SHE: variants seen among roughly 807,000 people sequenced by gnomAD.
SHE encodes Src homology 2 domain containing E, also known as SH2 domain-containing adapter protein E.
A neutral mutation model predicts 49.8 loss-of-function variants in SHE; 11 were observed. That is an observed-to-expected ratio of 0.22 (90% CI 0.14 to 0.37). The LOEUF is 0.37. Ranked by LOEUF, SHE falls within the 10% of genes least tolerant of loss-of-function variation. SHE has a pLI of 1.00. For missense variants in SHE, 624 were observed against 655.5 expected, an observed-to-expected ratio of 0.95 and a Z score of 0.52; for synonymous variants, 310 against 278.1, an observed-to-expected ratio of 1.11 and a Z score of -1.14.
intron 2 of SHE, among the ~76,000 whole-genome samples, chr1:154,489,925 A>G (rs2149294205): frequency 6.6e-6 from 1 of 152,370 alleles, no homozygotes; most frequent in South Asian, 2.1e-4. Flanking sequence ...AAAGTTTTGA[A>G]CATCTCATGT....
Position 154,483,765 on chromosome 1 carries a change from G to A in SHE, c.*384C>T. On this transcript the variant is annotated 3_prime_UTR_variant, in exon 6 of 6. Coordinates refer to ENST00000304760, the MANE Select transcript of SHE (RefSeq NM_001010846.3). The stretch of plus-strand genomic sequence containing the variant: ...CAGGCACTCGGGGAGACTGAGGTGG[G>A]TGGATCATTTGAGGTCAGGAGTTTG... 1.0e-6 allele frequency: 1 copy of A among 1,000,262 alleles called. No individual in the cohort carries two copies. Among genetic ancestry groups the A allele is most frequent in the Non-Finnish European group, 1.2e-6 (1 of 834,318 alleles). 62.0% of individuals were successfully genotyped at this position (1,000,262 alleles called of 1,614,324 possible). A position where few individuals can be genotyped will look rare whatever the true frequency, so the allele number is the denominator to read the frequency against.
chr1:154,500,941 G>A (rs1044643457), intron 1 of SHE, among the ~76,000 whole-genome samples: 8 of 152,128 alleles, frequency 5.3e-5, no homozygotes, highest in African/African-American at 1.2e-4. Flanking sequence ...CCCTTTACTC[G>A]GTGGAACCGC....
chr1:154,491,080 CAG>C (rs1022081744), intron 2 of SHE, among the ~76,000 whole-genome samples: 1 of 152,072 alleles, frequency 6.6e-6, no homozygotes, highest in Admixed American at 6.5e-5. Flanking sequence ...GCTGGTGATA[CAG>C]AGTCTATATT....
intron 1 of SHE, among the ~76,000 whole-genome samples, chr1:154,472,874 G>C (rs1218979683): frequency 2.6e-5 from 4 of 152,076 alleles, no homozygotes; most frequent in Non-Finnish European, 5.9e-5. Flanking sequence ...AATAATAATG[G>C]CTACTGGCTG....
intron 1 of SHE, among the ~76,000 whole-genome samples, chr1:154,470,702 T>C (rs1405994267): frequency 1.3e-5 from 2 of 152,110 alleles, no homozygotes; most frequent in African/African-American, 4.8e-5. Flanking sequence ...TAGCTGCATG[T>C]GGTGGCGGGC....
Position 154,481,443 on chromosome 1 carries a change from T to C in SHE, c.*2706A>G, listed in dbSNP as rs904237732. ...TATGACTTGTCACAGAGAAACAGTA[T>C]AGAAGAAGCATAATACTGGGCATAT... On this transcript the variant is annotated 3_prime_UTR_variant, in exon 6 of 6. Coordinates refer to ENST00000304760, the MANE Select transcript of SHE (RefSeq NM_001010846.3). The C allele has an allele frequency of 1.9e-5, 19 of 985,434 alleles. No individual in the cohort carries two copies. The highest frequency in any genetic ancestry group is 6.1e-5 in the Admixed American group (1 of 16,282). The allele number at this position is 985,434 out of a possible 1,614,324, so 61.0% of individuals were successfully genotyped here.
chr1:154,478,034 A>C (rs150056239), downstream of SHE, among the ~76,000 whole-genome samples: 2,083 of 152,230 alleles, frequency 0.014, 20 homozygotes, highest in Middle Eastern at 0.021. Context: ...ATGTAAGTGG[A>C]ATCATACAGT....
At chr1:154,494,327 A>C (rs943341596) in intron 2 of SHE, among the ~76,000 whole-genome samples, 1 of 151,942 alleles carries the variant, frequency 6.6e-6, no homozygotes, top group African/African-American at 2.4e-5. Context: ...ACTTTTTTCC[A>C]TAAGAGGTTT....
In SHE at chr1:154,489,058, A is replaced by G; in HGVS notation, c.1017T>C (p.Ala339=). The part of the protein sequence containing the change: ...WEWKKEQIVR[A]LSVQFEGAER... ...CTGGCCTGGCGCCCTCACCTGACAG[A>G]GCCCGCACGATCTGCTCCTTCTTCC... is the stretch of plus-strand genomic sequence containing the variant. The change falls in exon 3 of 6, where the codon GCT becomes GCC. Residue 339 remains alanine (A), a synonymous_variant. Coordinates refer to ENST00000304760, the MANE Select transcript of SHE (RefSeq NM_001010846.3). 1 of 1,573,872 alleles carries G rather than the reference A, an allele frequency of 6.4e-7. No homozygotes were observed. Among genetic ancestry groups the G allele is most frequent in the Non-Finnish European group, 8.6e-7 (1 of 1,157,892 alleles).
rs368651278 is a variant in SHE at position 154,501,419 on chromosome 1, G to A, written c.591+17C>T. ...CCCTTCGACTGAGAGGTGGTCCAAG[G>A]GAGGCTGTATTCTTACCGTCTCTTG... On this transcript the variant is annotated intron_variant, in intron 1 of 5. Transcript: ENST00000304760. The A allele has an allele frequency of 7.4e-6, 12 of 1,611,416 alleles. No individual in the cohort carries two copies. The African/African-American group carries it at 1.3e-4, about 18-fold the overall frequency.
At position 154,485,718 on chromosome 1, in the gene SHE, G is replaced by T. The variant is rs1243704846; in HGVS notation, c.1301+225C>A. 7 of 479,406 alleles carry T rather than the reference G, an allele frequency of 1.5e-5. No homozygotes were observed. In the South Asian group the frequency reaches 2.0e-4, roughly 13 times the overall value. The allele number at this position is 479,406 out of a possible 1,614,324, so 29.7% of individuals were successfully genotyped here. ...ACATTGACTAATGCACAAAGATAAT[G>T]CAATAAGACCTTCATTATCATAATA... On this transcript the variant is annotated intron_variant, in intron 5 of 5. Coordinates refer to ENST00000304760, the MANE Select transcript of SHE (RefSeq NM_001010846.3).
rs759068214 is a variant in SHE at position 154,484,104 on chromosome 1, T to C, written c.*45A>G. 6.3e-7 allele frequency: 1 copy of C among 1,588,870 alleles called. No homozygotes were observed. Among genetic ancestry groups the C allele is most frequent in the Non-Finnish European group, 8.6e-7 (1 of 1,163,140 alleles). ...TGAGATGCTGGTTGTGCGCTGATGA[T>C]GCCCTTGAAGGTGCCAGAGGCCCAG... On this transcript the variant is annotated 3_prime_UTR_variant, in exon 6 of 6. Transcript: ENST00000304760.
chr1:154,485,088 A>ATAT (rs1441471868), intron 5 of SHE: 2 of 152,150 alleles, frequency 1.3e-5, no homozygotes, highest in Non-Finnish European at 2.9e-5. Flanking sequence ...AATAATAATA[A>ATAT]TAAAAACCAT....
At chr1:154,476,329 GAGA>G (rs1235510402), downstream of SHE, among the ~76,000 whole-genome samples, 1 of 152,078 alleles carries the variant, frequency 6.6e-6, no homozygotes, top group East Asian at 1.9e-4. Flanking sequence ...CTGGGAAACA[GAGA>G]AGACCCTGTC....
chr1:154,485,816 A>G (rs1692159700), intron 5 of SHE, 127 bp downstream of exon 5: 2 of 1,161,270 alleles, frequency 1.7e-6, no homozygotes, highest in African/African-American at 3.0e-5. Flanking sequence ...TGTCCAAACA[A>G]ATGCCTCTTA....
At position 154,480,315 on chromosome 1, in the gene SHE, G is replaced by A; in HGVS notation, c.*3834C>T. 1 of 985,404 alleles carries A rather than the reference G, an allele frequency of 1.0e-6. No individual in the cohort carries two copies. The highest frequency in any genetic ancestry group is 1.2e-6 in the Non-Finnish European group (1 of 829,936). 61.0% of individuals were successfully genotyped at this position (985,404 alleles called of 1,614,324 possible). On this transcript the variant is annotated 3_prime_UTR_variant, in exon 6 of 6. Coordinates refer to ENST00000304760, the MANE Select transcript of SHE (RefSeq NM_001010846.3). Reference sequence around the variant, plus strand: ...ACATCACTGCACTCCCTAAACCCTGGAAGGAGGGAGAAACAAGGGGCTAAC... The same window carrying A: ...ACATCACTGCACTCCCTAAACCCTGAAAGGAGGGAGAAACAAGGGGCTAAC...
Position 154,501,651 on chromosome 1 carries a change from T to C in SHE, c.376A>G (p.Thr126Ala). ...AGKGRKNSRA[T>A]EEEPHRGATK... ...GCACCCCGGTGGGGCTCCTCCTCCG[T>C]GGCCCGGGAGTTTTTGCGGCCCTTG... The change falls in exon 1 of 6, where the codon ACG becomes GCG. Residue 126 changes from threonine to alanine, a missense_variant. Thr to Ala is a moderately conservative substitution (Grantham distance 58). Coordinates refer to ENST00000304760, the MANE Select transcript of SHE (RefSeq NM_001010846.3). 1 of 1,614,054 alleles carries C rather than the reference T, an allele frequency of 6.2e-7. No individual in the cohort carries two copies. Among genetic ancestry groups the C allele is most frequent in the Non-Finnish European group, 8.5e-7 (1 of 1,180,004 alleles).
Position 154,483,122 on chromosome 1 carries a change from CTAA to C in SHE, c.*1024_*1026del. ...ACCTTTTATTCTATAATTCAGAATT[CTAA>C]TAATGATGCCAATGCCTAATGATAT... On this transcript the variant is annotated 3_prime_UTR_variant, in exon 6 of 6. Transcript: ENST00000304760. 4.1e-6 allele frequency: 4 copies of C among 984,988 alleles called. No individual in the cohort carries two copies. The highest frequency in any genetic ancestry group is 4.8e-6 in the Non-Finnish European group (4 of 829,590). The allele number at this position is 984,988 out of a possible 1,614,324, so 61.0% of individuals were successfully genotyped here. A position where few individuals can be genotyped will look rare whatever the true frequency, so the allele number is the denominator to read the frequency against.
chr1:154,473,809 TAAA>T (rs879476389), intron 1 of SHE, among the ~76,000 whole-genome samples: 1 of 133,760 alleles, frequency 7.5e-6, no homozygotes, highest in Non-Finnish European at 1.6e-5. Flanking sequence ...CCTCAAAAAA[TAAA>T]AAAAAAAAAA....
Sources: gnomAD v4.1 joint callset for allele counts (sites outside exome capture counted in the v4.1 genomes callset) on GRCh38, gnomAD v4.1.1 for gene constraint, MANE v1.5 for transcripts, NCBI Gene and HGNC (gene_info 2026-07-23, HGNC 2026-07-21) for gene names.